Variants in PCCB observed in about 807,000 individuals in gnomAD.
PCCB encodes propionyl-CoA carboxylase beta chain, mitochondrial.
PCCB carries 43 observed loss-of-function variants against 60.7 expected under a neutral mutation model. The observed-to-expected ratio is 0.71, with a 90% CI of 0.55 to 0.91. PCCB has a LOEUF of 0.91. Ranked by LOEUF, PCCB falls within the 40% of genes least tolerant of loss-of-function variation. The pLI, the probability that PCCB is intolerant of heterozygous loss-of-function variation, is 0.00. For synonymous variants in PCCB, 276 were observed against 255.9 expected, an observed-to-expected ratio of 1.08 and a Z score of -0.75; for missense variants, 766 against 702.8, an observed-to-expected ratio of 1.09 and a Z score of -1.02.
chr3:136,299,818 GTGTA>G (rs746144040), intron 8 of PCCB, among the ~76,000 whole-genome samples: 38 of 148,760 alleles, frequency 2.6e-4, no homozygotes, highest in Non-Finnish European at 3.8e-4. Context: ...AGGTATGCAT[GTGTA>G]TGTATGTATA....
At chr3:136,308,004 G>A (rs1934509759) in intron 9 of PCCB, among the ~76,000 whole-genome samples, 1 of 147,540 alleles carries the variant, frequency 6.8e-6, no homozygotes, top group Non-Finnish European at 1.5e-5. Context: ...ATAATAATAT[G>A]ATAGTAAAAA....
intron 10 of PCCB, among the ~76,000 whole-genome samples, chr3:136,320,594 A>G (rs1277646325): frequency 6.6e-6 from 1 of 152,156 alleles, no homozygotes; most frequent in African/African-American, 2.4e-5. Context: ...TTTTGTTTCA[A>G]AATTTATATT....
intron 6 of PCCB, among the ~76,000 whole-genome samples, chr3:136,290,140 T>G (rs1933607472): frequency 6.6e-6 from 1 of 152,228 alleles, no homozygotes; most frequent in East Asian, 1.9e-4. Flanking sequence ...TATGTAGATA[T>G]AAGTTTCTGA....
intron 6 of PCCB, among the ~76,000 whole-genome samples, chr3:136,285,007 G>A (rs1271172977): frequency 4.6e-5 from 7 of 150,614 alleles, no homozygotes; most frequent in Non-Finnish European, 1.5e-5. Flanking sequence ...AGGATCACTC[G>A]AGCCCAGAAG....
intron 5 of PCCB, among the ~76,000 whole-genome samples, chr3:136,280,987 G>A (rs1216796221): frequency 6.6e-6 from 1 of 152,112 alleles, no homozygotes; most frequent in East Asian, 1.9e-4. Context: ...ACTGCCTTCC[G>A]GCCTCCATGG....
Position 136,252,260 on chromosome 3 carries a change from GTTTA to G in PCCB, c.183+1710_183+1713del, listed in dbSNP as rs760253192. On this transcript the variant is annotated intron_variant, in intron 1 of 14. Coordinates refer to ENST00000251654, the MANE Select transcript of PCCB (RefSeq NM_000532.5). ...GGAATTAGTGGGTCAAAGGGTGTAAGTTTATTTATTTTTTTTGAGACAGAGTTCA... is the reference window on the plus strand; with the variant it reads ...GGAATTAGTGGGTCAAAGGGTGTAAGTTTATTTTTTTTGAGACAGAGTTCA... The G allele has an allele frequency of 7.7e-5, 35 of 455,108 alleles. No individual in the cohort carries two copies. The Middle Eastern group carries it at 1.3e-3, about 17-fold the overall frequency. The allele number at this position is 455,108 out of a possible 1,614,324, so 28.2% of individuals were successfully genotyped here. A position where few individuals can be genotyped will look rare whatever the true frequency, so the allele number is the denominator to read the frequency against.
At chr3:136,300,100 A>G (rs1483927932) in intron 8 of PCCB, among the ~76,000 whole-genome samples, 1 of 151,976 alleles carries the variant, frequency 6.6e-6, no homozygotes, top group Admixed American at 6.5e-5. Context: ...CTACACATAT[A>G]CATACATGCA....
At chr3:136,260,609 A>G (rs1941795309) in intron 4 of PCCB, 74 bp downstream of exon 4, 2 of 1,253,480 alleles carry the variant, frequency 1.6e-6, no homozygotes, top group East Asian at 4.7e-5. Context: ...TCTTTGGGGT[A>G]CAAGACACTG....
At chr3:136,313,264 C>T (rs778738525) in intron 9 of PCCB, among the ~76,000 whole-genome samples, 7 of 152,150 alleles carry the variant, frequency 4.6e-5, no homozygotes, top group African/African-American at 7.2e-5. Context: ...TACGAGGTTA[C>T]GACCATTACG....
chr3:136,278,276 TCA>T (rs1942384222), intron 5 of PCCB, among the ~76,000 whole-genome samples: 1 of 152,168 alleles, frequency 6.6e-6, no homozygotes. Flanking sequence ...TCTCTCTATC[TCA>T]CACTCTGGAG....
intron 5 of PCCB, among the ~76,000 whole-genome samples, chr3:136,275,057 C>T (rs1277436203): frequency 2.6e-5 from 4 of 152,164 alleles, no homozygotes; most frequent in African/African-American, 9.6e-5. Context: ...AGCAGTCCAC[C>T]TGCCTTGCCC....
At position 136,250,415 on chromosome 3, in the gene PCCB, C is replaced by A; in HGVS notation, c.40C>A (p.Leu14Ile). ...ALRVAAVGAR[L>I]SVLASGLRAA... ...ACGGGTGGCGGCGGTCGGGGCAAGGCTCAGCGTTCTGGCGAGCGGTCTCCG... is the reference window on the plus strand; with the variant it reads ...ACGGGTGGCGGCGGTCGGGGCAAGGATCAGCGTTCTGGCGAGCGGTCTCCG... Residue 14 changes from leucine to isoleucine, a missense_variant, in exon 1 of 15, where the codon CTC (leucine) becomes ATC (isoleucine). Coordinates refer to ENST00000251654, the MANE Select transcript of PCCB (RefSeq NM_000532.5). 6.3e-7 allele frequency: 1 copy of A among 1,582,074 alleles called. No homozygotes were observed. The highest frequency in any genetic ancestry group is 1.8e-5 in the Admixed American group (1 of 55,766).
At chr3:136,295,534 CAG>C (rs1448924556) in intron 7 of PCCB, among the ~76,000 whole-genome samples, 2 of 152,212 alleles carry the variant, frequency 1.3e-5, no homozygotes, top group Non-Finnish European at 2.9e-5. Flanking sequence ...GCTATTGTCT[CAG>C]GGCTTTATTG....
chr3:136,256,324 G>T (rs1482411192), intron 2 of PCCB: 3 of 591,528 alleles, frequency 5.1e-6, no homozygotes, highest in Non-Finnish European at 9.0e-6. Flanking sequence ...TTTTAGGAGG[G>T]TACATAAGGC....
chr3:136,256,307 G>T, intron 2 of PCCB: 1 of 579,588 alleles, frequency 1.7e-6, no homozygotes, highest in Non-Finnish European at 3.1e-6. Context: ...GGTCTTGATT[G>T]TTTTGCTTTT....
At chr3:136,281,578 A>G (rs564053267) in intron 5 of PCCB, among the ~76,000 whole-genome samples, 3 of 152,128 alleles carry the variant, frequency 2.0e-5, no homozygotes, top group African/African-American at 7.2e-5. Context: ...AAGACAGTTC[A>G]TGTGCCATCT....
At chr3:136,330,169 CTCT>C, downstream of PCCB, 2 of 1,480,902 alleles carry the variant, frequency 1.4e-6, no homozygotes, top group Non-Finnish European at 1.8e-6. Flanking sequence ...CTAGAAAGAT[CTCT>C]TTTGTGCCTT....
intron 7 of PCCB, among the ~76,000 whole-genome samples, chr3:136,294,360 G>A (rs1933840672): frequency 6.6e-6 from 1 of 152,064 alleles, no homozygotes; most frequent in African/African-American, 2.4e-5. Context: ...GGCCCAGGCT[G>A]GAGTGCAGTG....
Position 136,317,032 on chromosome 3 carries a change from G to T in PCCB, c.1058G>T (p.Gly353Val). Residue 353 changes from glycine to valine, a missense_variant, in exon 10 of 15, where the codon GGA becomes GTA. Transcript: ENST00000251654. ...GCAAGAATGAATGGGAGGACTGTTG[G>T]AATTGTTGGCAACCAACCTAAGGTG... ...GFARMNGRTV[G>V]IVGNQPKVAS... 6.2e-7 allele frequency: 1 copy of T among 1,613,996 alleles called. No individual in the cohort carries two copies.
Sources: allele counts gnomAD v4.1 joint callset (sites outside exome capture counted in the v4.1 genomes callset), GRCh38; gene constraint gnomAD v4.1.1; transcripts MANE v1.5; gene names NCBI Gene and HGNC (gene_info 2026-07-23, HGNC 2026-07-21).